SFXN5: variants seen among roughly 807,000 people sequenced by gnomAD.
SFXN5 encodes sideroflexin-5.
Under a neutral mutation model 50.2 loss-of-function variants are expected in SFXN5, and 43 were observed. The ratio of observed to expected loss-of-function variants is 0.86; its 90% confidence interval spans 0.67 to 1.11. The LOEUF is 1.11. Among genes scored for constraint, SFXN5 ranks in the 50% least tolerant of loss-of-function variants. SFXN5 has a pLI of 0.00. For missense variants in SFXN5, 463 were observed against 454.1 expected, an observed-to-expected ratio of 1.02 and a Z score of -0.18; for synonymous variants, 203 against 185.8, an observed-to-expected ratio of 1.09 and a Z score of -0.75.
intron 3 of SFXN5, among the ~76,000 whole-genome samples, chr2:73,024,084 C>CT (rs769294520): frequency 3.6e-4 from 53 of 146,088 alleles, no homozygotes; most frequent in Middle Eastern, 3.6e-3. Flanking sequence ...TAAAGTAGGC[C>CT]TTTTTTTTTT....
intron 1 of SFXN5, among the ~76,000 whole-genome samples, chr2:73,068,341 C>T (rs559440004): frequency 5.3e-5 from 8 of 152,280 alleles, no homozygotes; most frequent in African/African-American, 1.9e-4. Context: ...TATTACATGC[C>T]AGGGCAGGAC....
chr2:73,066,329 G>A (rs1311387417), intron 1 of SFXN5, among the ~76,000 whole-genome samples: 3 of 151,112 alleles, frequency 2.0e-5, no homozygotes, highest in Admixed American at 6.6e-5. Context: ...AGGCCGAGGC[G>A]GGTGGATCAC....
intron 3 of SFXN5, among the ~76,000 whole-genome samples, chr2:73,033,708 G>A (rs184490624): frequency 1.3e-5 from 2 of 152,340 alleles, no homozygotes; most frequent in East Asian, 3.9e-4. Context: ...AGATCAGAGA[G>A]GACTGGGGGC....
chr2:72,949,496 TAC>T (rs1027570473), intron 13 of SFXN5, among the ~76,000 whole-genome samples: 3 of 152,202 alleles, frequency 2.0e-5, no homozygotes, highest in Non-Finnish European at 4.4e-5. Flanking sequence ...TAAAAATTTT[TAC>T]AGAGACAGGG....
chr2:73,027,340 A>G (rs1677703693), intron 3 of SFXN5, among the ~76,000 whole-genome samples: 1 of 152,266 alleles, frequency 6.6e-6, no homozygotes, highest in Non-Finnish European at 1.5e-5. Context: ...AAGAGCTTAT[A>G]GACAAGAATT....
At chr2:73,064,839 T>C (rs779896454) in intron 1 of SFXN5, among the ~76,000 whole-genome samples, 2 of 152,244 alleles carry the variant, frequency 1.3e-5, no homozygotes, top group Non-Finnish European at 1.5e-5. Context: ...CAGGCTGGAG[T>C]GCAGTGGCAC....
intron 2 of SFXN5, among the ~76,000 whole-genome samples, chr2:73,048,258 C>A (rs1307756117): frequency 1.3e-5 from 2 of 152,194 alleles, no homozygotes; most frequent in African/African-American, 4.8e-5. Context: ...GTCTCTGTCA[C>A]CCAGGCTGGA....
At chr2:72,988,154 C>T in intron 10 of SFXN5, 104 bp downstream of exon 10, 1 of 1,033,306 alleles carries the variant, frequency 9.7e-7, no homozygotes, top group Non-Finnish European at 1.4e-6. Context: ...CTGGGTGCCC[C>T]CTGGGCATCA....
At chr2:72,955,039 C>T (rs147897558) in intron 13 of SFXN5, among the ~76,000 whole-genome samples, 7 of 152,312 alleles carry the variant, frequency 4.6e-5, no homozygotes, top group East Asian at 3.9e-4. Flanking sequence ...AGAGGGCAGG[C>T]CTTGGGGCCA....
chr2:72,974,198 C>T (rs1574002819), intron 10 of SFXN5, among the ~76,000 whole-genome samples: 3 of 152,182 alleles, frequency 2.0e-5, no homozygotes, highest in African/African-American at 4.8e-5. Flanking sequence ...AAAGTGGGGA[C>T]AGCTGAAATG....
Position 72,979,004 on chromosome 2 carries a change from C to T in SFXN5, c.626-7319G>A, listed in dbSNP as rs150900228. 5.1e-3 allele frequency among the ~76,000 whole-genome samples: 777 copies of T among 152,298 alleles called. 8 individuals are homozygous for T. The highest frequency in any genetic ancestry group is 0.018 in the African/African-American group (735 of 41,560). On this transcript the variant is annotated intron_variant, in intron 10 of 13. Transcript: ENST00000272433. ...AATTAATCACCTGTGGATAGCCACA[C>T]AGTACGAATGCCTATGGCAGCTGAA...
Position 72,943,765 on chromosome 2 carries a change from C to G in SFXN5, c.*1257G>C, listed in dbSNP as rs1211731945. ...ACTGCAGGTCCAAAGGGGCCTGCCC[C>G]CTTCCCAGTCCAGAGTCCACACTGG... On this transcript the variant is annotated 3_prime_UTR_variant, in exon 14 of 14. Coordinates refer to ENST00000272433, the MANE Select transcript of SFXN5 (RefSeq NM_144579.3). 1 of 152,678 alleles carries G rather than the reference C, an allele frequency of 6.5e-6. No individual in the cohort carries two copies. Among genetic ancestry groups the G allele is most frequent in the Non-Finnish European group, 1.5e-5 (1 of 68,102 alleles). 9.5% of individuals were successfully genotyped at this position (152,678 alleles called of 1,614,324 possible).
At position 72,945,120 on chromosome 2, in the gene SFXN5, G is replaced by A. The variant is rs1224204146; in HGVS notation, c.946-21C>T. ...TCAATCTGTGGAGAGAGAACAGAGA[G>A]GAAAAGTGGGGGAGTGGGAAGGGGC... On this transcript the variant is annotated intron_variant, in intron 13 of 13. Transcript: ENST00000272433. This position sits in a 1 kb window ranked among gnomAD's most constrained non-coding sequence, Gnocchi z 5.8. 1.9e-6 allele frequency: 3 copies of A among 1,609,820 alleles called. No individual in the cohort carries two copies. The highest frequency in any genetic ancestry group is 1.3e-5 in the African/African-American group (1 of 74,904).
At chr2:72,959,644 A>G (rs1240142943) in intron 13 of SFXN5, among the ~76,000 whole-genome samples, 1 of 149,106 alleles carries the variant, frequency 6.7e-6, no homozygotes, top group Non-Finnish European at 1.5e-5. Context: ...CTCCTCTTCC[A>G]CCTACTGAAG....
chr2:73,061,795 GAT>G (rs1331458678), intron 1 of SFXN5, among the ~76,000 whole-genome samples: 10 of 152,146 alleles, frequency 6.6e-5, no homozygotes, highest in African/African-American at 2.4e-4. Context: ...ATACAGAAAT[GAT>G]ATTACATTTA....
At position 72,953,178 on chromosome 2, in the gene SFXN5, G is replaced by T. The variant is rs1435254455; in HGVS notation, c.945+7953C>A. Among the ~76,000 whole-genome samples the T allele has an allele frequency of 6.6e-6, 1 of 152,194 alleles. No homozygotes were observed. The highest frequency in any genetic ancestry group is 1.5e-5 in the Non-Finnish European group (1 of 68,044). ...TGACAGGTGGCGTTGGCGTTCCTGG[G>T]CTCTGAGCGGCTTTGCCATTCCCAT... is the stretch of plus-strand genomic sequence containing the variant. On this transcript the variant is annotated intron_variant, in intron 13 of 13. Transcript: ENST00000272433. The surrounding 1 kb of genome is among the most constrained non-coding windows in gnomAD (Gnocchi z 4.1).
At chr2:73,064,547 T>C (rs944172749) in intron 1 of SFXN5, among the ~76,000 whole-genome samples, 95 of 152,126 alleles carry the variant, frequency 6.2e-4, no homozygotes, top group African/African-American at 2.3e-3. Flanking sequence ...CAAGGTACTG[T>C]GATTTTAGAA....
rs1161381930 is a variant in SFXN5, at chr2:72,945,174, G to A, written c.946-75C>T. 3 of 1,389,756 alleles carry A rather than the reference G, an allele frequency of 2.2e-6. No homozygotes were observed. Among genetic ancestry groups the A allele is most frequent in the Non-Finnish European group, 2.0e-6 (2 of 991,732 alleles). The allele number at this position is 1,389,756 out of a possible 1,614,324, so 86.1% of individuals were successfully genotyped here. On this transcript the variant is annotated intron_variant, in intron 13 of 13. Coordinates refer to ENST00000272433, the MANE Select transcript of SFXN5 (RefSeq NM_144579.3). The surrounding 1 kb of genome is among the most constrained non-coding windows in gnomAD (Gnocchi z 5.8). ...TAGTGGGGCTGGGAGCTGCAGTGAGGACCACCCTGGGCCCCAGAGCTCTGC... is the reference window on the plus strand; with the variant it reads ...TAGTGGGGCTGGGAGCTGCAGTGAGAACCACCCTGGGCCCCAGAGCTCTGC...
intron 12 of SFXN5, among the ~76,000 whole-genome samples, chr2:72,968,122 A>AACACACACACACACACAC (rs34361357): frequency 7.3e-6 from 1 of 137,214 alleles, no homozygotes; most frequent in African/African-American, 2.8e-5. Flanking sequence ...CACACATGAA[A>AACACACACACACACACAC]ACACACACAC....
Sources: gnomAD v4.1 joint callset for allele counts (sites outside exome capture counted in the v4.1 genomes callset) on GRCh38, gnomAD v4.1.1 for gene constraint, Gnocchi (gnomAD v3.1) non-coding constraint, MANE v1.5 for transcripts, NCBI Gene and HGNC (gene_info 2026-07-23, HGNC 2026-07-21) for gene names.